The following CTTNBP2 variants were observed in gnomAD, a reference collection of about 807,000 sequenced individuals.
CTTNBP2 encodes the protein cortactin-binding protein 2.
A neutral mutation model predicts 156.9 loss-of-function variants in CTTNBP2; 108 were observed. That is an observed-to-expected ratio of 0.69 (90% CI 0.59 to 0.81). The LOEUF (loss-of-function observed/expected upper bound fraction) is 0.81, where lower values mean the gene tolerates loss of function less well. Ranked by LOEUF, CTTNBP2 falls within the 30% of genes least tolerant of loss-of-function variation. The pLI, the probability that CTTNBP2 is intolerant of heterozygous loss-of-function variation, is 0.00. For synonymous variants in CTTNBP2, 767 were observed against 751.8 expected (o/e 1.02, Z -0.33); for missense variants, 1,924 against 2,035.4 (o/e 0.95, Z 1.05).
chr7:117,730,669 A>G (rs1434098682), intron 16 of CTTNBP2, among the ~76,000 whole-genome samples: 1 of 152,194 alleles, frequency 6.6e-6, no homozygotes, highest in African/African-American at 2.4e-5. Context: ...GTGGGACTCT[A>G]CTGGTTTTTT....
chr7:117,859,648 T>C (rs1377157080), intron 2 of CTTNBP2, among the ~76,000 whole-genome samples: 2 of 152,214 alleles, frequency 1.3e-5, no homozygotes, highest in Non-Finnish European at 2.9e-5. Context: ...TGCCTCAGCA[T>C]TTCTCCCAAA....
At chr7:117,755,861 ATG>A (rs1796854692) in intron 12 of CTTNBP2, among the ~76,000 whole-genome samples, 1 of 152,190 alleles carries the variant, frequency 6.6e-6, no homozygotes, top group African/African-American at 2.4e-5. Flanking sequence ...GTTGAATGGG[ATG>A]TGGGCAGGAA....
chr7:117,869,120 T>C (rs1285332772), intron 1 of CTTNBP2, among the ~76,000 whole-genome samples: 6 of 152,172 alleles, frequency 3.9e-5, no homozygotes, highest in South Asian at 2.1e-4. Flanking sequence ...AGAAAACTAA[T>C]AGTGTTGGAA....
chr7:117,871,897 T>G (rs1804632618), intron 1 of CTTNBP2: 1 of 883,694 alleles, frequency 1.1e-6, no homozygotes, highest in Non-Finnish European at 1.3e-6. Flanking sequence ...TTCCTCGTCC[T>G]TCCCCTTCCC....
intron 2 of CTTNBP2, among the ~76,000 whole-genome samples, chr7:117,841,910 C>G (rs1272960329): frequency 4.6e-5 from 7 of 152,076 alleles, no homozygotes; most frequent in Admixed American, 4.6e-4. Flanking sequence ...ACAAGCAGGA[C>G]AGCAAACAGC....
chr7:117,716,151 T>TATAAGAGCCCAGATAGTATAA (rs1389189951), intron 22 of CTTNBP2, among the ~76,000 whole-genome samples: 32 of 124,670 alleles, frequency 2.6e-4, no homozygotes, highest in African/African-American at 8.8e-4. Flanking sequence ...TTTTTCTTTG[T>TATAAGAGCCCAGATAGTATAA]ATAAGAGCCC....
Position 117,757,970 on chromosome 7 carries a change from C to G in CTTNBP2, c.3173G>C (p.Gly1058Ala). Reference sequence around the variant, plus strand: ...CTGACCCACTGACCACGGCACATTTCCTAGTTTCAAAAAATGAAATAAAAT... The same window carrying G: ...CTGACCCACTGACCACGGCACATTTGCTAGTTTCAAAAAATGAAATAAAAT... Reference protein sequence around the residue: ...SARSIRSITLGNVPWSVGQSF... With the variant: ...SARSIRSITLANVPWSVGQSF... Residue 1058 changes from glycine (G) to alanine (A), a missense_variant and splice_region_variant, in exon 11 of 23, where the codon GGA becomes GCA. Coordinates refer to ENST00000160373, the MANE Select transcript of CTTNBP2 (RefSeq NM_033427.3). 6.2e-7 allele frequency: 1 copy of G among 1,610,316 alleles called. No homozygotes were observed. The highest frequency in any genetic ancestry group is 8.5e-7 in the Non-Finnish European group (1 of 1,178,360).
intron 3 of CTTNBP2, among the ~76,000 whole-genome samples, chr7:117,794,996 G>A (rs1046290555): frequency 1.5e-4 from 22 of 143,098 alleles, no homozygotes; most frequent in East Asian, 4.4e-4. Context: ...CCGGGTTCAC[G>A]CCATTCTCCT....
At chr7:117,744,978 G>A (rs1796242500) in intron 14 of CTTNBP2, among the ~76,000 whole-genome samples, 2 of 152,132 alleles carry the variant, frequency 1.3e-5, no homozygotes, top group African/African-American at 4.8e-5. Context: ...TCTTACAACT[G>A]CTTCCTTCGC....
chr7:117,715,812 A>C (rs1794323118), intron 22 of CTTNBP2: 1 of 152,192 alleles, frequency 6.6e-6, no homozygotes, highest in East Asian at 1.9e-4. Context: ...CCTTCTGGCC[A>C]TGAAGGAGAA....
intron 14 of CTTNBP2, among the ~76,000 whole-genome samples, chr7:117,740,250 C>A (rs1309263728): frequency 7.6e-6 from 1 of 130,850 alleles, no homozygotes; most frequent in African/African-American, 3.4e-5. Context: ...TCATTGGCAC[C>A]ATTTTAATCT....
At chr7:117,821,176 G>A (rs888718414) in intron 2 of CTTNBP2, among the ~76,000 whole-genome samples, 1 of 152,088 alleles carries the variant, frequency 6.6e-6, no homozygotes, top group Non-Finnish European at 1.5e-5. Context: ...ATCTGTGGAA[G>A]TGACAGTTTT....
chr7:117,727,354 C>G (rs190732499), intron 17 of CTTNBP2, among the ~76,000 whole-genome samples: 1 of 152,082 alleles, frequency 6.6e-6, no homozygotes, highest in Non-Finnish European at 1.5e-5. Context: ...TGCCACTATG[C>G]CTGGCTAATT....
Position 117,760,655 on chromosome 7 carries a change from A to T in CTTNBP2, c.2952T>A (p.Tyr984Ter). The change falls in exon 10 of 23, where the codon TAT (tyrosine) becomes TAA (stop). Residue 984 changes from tyrosine (Y) to a stop codon, truncating the protein, a stop_gained. Coordinates refer to ENST00000160373, the MANE Select transcript of CTTNBP2 (RefSeq NM_033427.3). LOFTEE classifies it high-confidence loss of function. The part of the protein sequence containing the change: ...ISVGEIEPSN[Y>*]GSDDLECENT... ...TTTCACATTCCAAGTCATCAGAACCATAGTTGCTTGGTTCAATCTCACCCA... is the reference window on the plus strand; with the variant it reads ...TTTCACATTCCAAGTCATCAGAACCTTAGTTGCTTGGTTCAATCTCACCCA... 1 of 1,613,684 alleles carries T rather than the reference A, an allele frequency of 6.2e-7. No homozygotes were observed. Among genetic ancestry groups the T allele is most frequent in the Non-Finnish European group, 8.5e-7 (1 of 1,179,584 alleles).
At chr7:117,839,067 A>G (rs1401778400) in intron 2 of CTTNBP2, among the ~76,000 whole-genome samples, 1 of 151,798 alleles carries the variant, frequency 6.6e-6, no homozygotes, top group Non-Finnish European at 1.5e-5. Context: ...GTCCTTTCCT[A>G]GAAACATTAA....
Position 117,711,628 on chromosome 7 carries a change from C to G in CTTNBP2, c.4901G>C (p.Ser1634Thr). ...SQNTKRSSSS[S>T]NTRQIEINNN... ...GTTGATTTCTATTTGCCTTGTATTA[C>G]TGCTGCTGCTGCTTCTTTTGGTGTT... Residue 1634 changes from serine to threonine, a missense_variant, in exon 23 of 23, where the codon AGT (serine) becomes ACT (threonine). Transcript: ENST00000160373. The G allele has an allele frequency of 6.2e-7, 1 of 1,613,316 alleles. No individual in the cohort carries two copies. The highest frequency in any genetic ancestry group is 8.5e-7 in the Non-Finnish European group (1 of 1,179,332).
intron 2 of CTTNBP2, among the ~76,000 whole-genome samples, chr7:117,831,030 T>C (rs1429223789): frequency 6.6e-6 from 1 of 152,212 alleles, no homozygotes; most frequent in Non-Finnish European, 1.5e-5. Context: ...ATTCTAACTG[T>C]GTATGAAATA....
chr7:117,768,581 A>AAAAGGAAG (rs1554419708), intron 8 of CTTNBP2, among the ~76,000 whole-genome samples: 290 of 99,116 alleles, frequency 2.9e-3, no homozygotes, highest in Middle Eastern at 6.0e-3. Flanking sequence ...AAAAAAAAAA[A>AAAAGGAAG]AAAGAAAGAA....
intron 1 of CTTNBP2, among the ~76,000 whole-genome samples, chr7:117,869,931 T>C (rs1042247573): frequency 6.6e-6 from 1 of 152,212 alleles, no homozygotes; most frequent in Non-Finnish European, 1.5e-5. Flanking sequence ...GGAACCTCTA[T>C]GCTCATCACT....
Sources: allele counts gnomAD v4.1 joint callset (sites outside exome capture counted in the v4.1 genomes callset), GRCh38; gene constraint gnomAD v4.1.1; transcripts MANE v1.5; gene names NCBI Gene and HGNC (gene_info 2026-07-23, HGNC 2026-07-21).